The following IL1RAPL2 variants were observed in gnomAD, a reference collection of about 807,000 sequenced individuals.
IL1RAPL2 encodes the protein X-linked interleukin-1 receptor accessory protein-like 2.
In IL1RAPL2, 3 loss-of-function variants were observed where a neutral mutation model predicts 44.1. The observed-to-expected ratio is 0.07, with a 90% CI of 0.03 to 0.18. The LOEUF is 0.18. Ranked by LOEUF, IL1RAPL2 falls within the 10% of genes least tolerant of loss-of-function variation. IL1RAPL2 has a pLI of 1.00. For synonymous variants in IL1RAPL2, 181 were observed against 178.8 expected (o/e 1.01, Z -0.10); for missense variants, 391 against 496.4 (o/e 0.79, Z 2.02).
At chrX:105,144,368 A>G (rs893547577) in intron 2 of IL1RAPL2, among the ~76,000 whole-genome samples, 7 of 110,946 alleles carry the variant, frequency 6.3e-5, no homozygotes, top group African/African-American at 1.6e-4. Flanking sequence ...CTTACCTTCA[A>G]TATGGGAAGA....
At chrX:105,519,799 C>T (rs755434758) in intron 6 of IL1RAPL2, among the ~76,000 whole-genome samples, 10 of 111,271 alleles carry the variant, frequency 9.0e-5, no homozygotes, top group Non-Finnish European at 1.7e-4. Flanking sequence ...TATATTAAAG[C>T]CTTAGAGAAG....
In IL1RAPL2 at chrX:104,914,720, C is replaced by T. The variant is rs546100921; in HGVS notation, c.82+255725C>T. On this transcript the variant is annotated intron_variant, in intron 2 of 10. Transcript: ENST00000372582. ...TCCTAAAGCTATCCCTCCCCCATCC[C>T]CCACCCCACAACAGTCCCCAGAGTG... 1.4e-3 allele frequency among the ~76,000 whole-genome samples: 158 copies of T among 110,412 alleles called. 1 individual carries two copies. Among genetic ancestry groups the T allele is most frequent in the African/African-American group, 4.9e-3 (147 of 30,308 alleles).
rs188205318 is a variant in IL1RAPL2, at chrX:104,874,012, C to A, written c.82+215017C>A. On this transcript the variant is annotated intron_variant, in intron 2 of 10. Transcript: ENST00000372582. Reference sequence around the variant, plus strand: ...GGTTAGTTCCAATGGCAACACTCATCTTCTACCCACAAATCACGTCCACTT... The same window carrying A: ...GGTTAGTTCCAATGGCAACACTCATATTCTACCCACAAATCACGTCCACTT... Among the ~76,000 whole-genome samples, 521 of 110,968 alleles carry A rather than the reference C, an allele frequency of 4.7e-3. 1 individual carries two copies. Among genetic ancestry groups the A allele is most frequent in the Non-Finnish European group, 7.1e-3 (376 of 52,849 alleles).
At chrX:105,316,132 G>A (rs1474234239) in intron 5 of IL1RAPL2, among the ~76,000 whole-genome samples, 1 of 110,884 alleles carries the variant, frequency 9.0e-6, no homozygotes, top group Admixed American at 9.6e-5. Context: ...AAATTAGCCA[G>A]GTGTGATGGT....
chrX:104,902,368 T>A (rs1208515988), intron 2 of IL1RAPL2, among the ~76,000 whole-genome samples: 1 of 111,949 alleles, frequency 8.9e-6, no homozygotes, highest in East Asian at 2.8e-4. Context: ...ACTGTTAACC[T>A]CCAAATTACA....
intron 7 of IL1RAPL2, among the ~76,000 whole-genome samples, chrX:105,731,102 TA>T (rs1450491350): frequency 4.6e-5 from 5 of 109,334 alleles, no homozygotes; most frequent in African/African-American, 1.3e-4. Context: ...TTTGAAAAAA[TA>T]AACAAATTTG....
chrX:105,170,243 ATATT>A (rs1186210206), intron 2 of IL1RAPL2, among the ~76,000 whole-genome samples: 1 of 111,579 alleles, frequency 9.0e-6, no homozygotes, highest in Non-Finnish European at 1.9e-5. Context: ...GCATATAAAA[ATATT>A]TATAATATCT....
chrX:105,091,804 T>C (rs750750163), intron 2 of IL1RAPL2, among the ~76,000 whole-genome samples: 1 of 111,979 alleles, frequency 8.9e-6, no homozygotes, highest in East Asian at 2.8e-4. Flanking sequence ...CTCCAACACT[T>C]ACAATGCCTC....
At chrX:105,319,711 A>G (rs1464783891) in intron 5 of IL1RAPL2, among the ~76,000 whole-genome samples, 1 of 111,812 alleles carries the variant, frequency 8.9e-6, no homozygotes, top group Non-Finnish European at 1.9e-5. Flanking sequence ...CTTGTACAAC[A>G]TACGCAAATA....
intron 5 of IL1RAPL2, among the ~76,000 whole-genome samples, chrX:105,388,805 A>T: frequency 9.0e-6 from 1 of 111,440 alleles, no homozygotes; most frequent in South Asian, 3.7e-4. Context: ...ATACAACCTG[A>T]TAGCATCTTG....
chrX:105,263,748 A>G (rs775435126), intron 4 of IL1RAPL2, among the ~76,000 whole-genome samples: 1 of 111,107 alleles, frequency 9.0e-6, no homozygotes, highest in Admixed American at 9.6e-5. Flanking sequence ...GCAACAAACT[A>G]CTCTATGAGG....
intron 5 of IL1RAPL2, among the ~76,000 whole-genome samples, chrX:105,338,747 T>C (rs992271127): frequency 9.0e-6 from 1 of 111,579 alleles, no homozygotes; most frequent in African/African-American, 3.3e-5. Flanking sequence ...CATCTTTTGC[T>C]GCCACCACCT....
chrX:104,898,135 G>T (rs1018200704), intron 2 of IL1RAPL2, among the ~76,000 whole-genome samples: 1 of 112,104 alleles, frequency 8.9e-6, no homozygotes, highest in Non-Finnish European at 1.9e-5. Context: ...TTTTCAATAA[G>T]TGTTCTACTT....
chrX:105,050,369 A>G (rs2031903125), intron 2 of IL1RAPL2, among the ~76,000 whole-genome samples: 1 of 112,128 alleles, frequency 8.9e-6, no homozygotes, highest in South Asian at 3.7e-4. Flanking sequence ...GCATTCGCAG[A>G]TTTACATTTC....
intron 2 of IL1RAPL2, among the ~76,000 whole-genome samples, chrX:105,009,618 C>T (rs1310910652): frequency 9.9e-6 from 1 of 101,016 alleles, no homozygotes; most frequent in Non-Finnish European, 2.0e-5. Context: ...GGGAGGGGGG[C>T]GAGATAGCAT....
chrX:105,115,201 T>C (rs945334731), intron 2 of IL1RAPL2, among the ~76,000 whole-genome samples: 14 of 111,073 alleles, frequency 1.3e-4, no homozygotes, highest in Non-Finnish European at 2.5e-4. Flanking sequence ...GGCTCAGGAG[T>C]GAAGCTGCAG....
chrX:104,907,766 A>T (rs1282823510), intron 2 of IL1RAPL2, among the ~76,000 whole-genome samples: 8 of 110,496 alleles, frequency 7.2e-5, no homozygotes, highest in African/African-American at 2.6e-4. Flanking sequence ...GTGCTGAAAA[A>T]AATGTATATT....
intron 5 of IL1RAPL2, among the ~76,000 whole-genome samples, chrX:105,342,700 A>G (rs2035080858): frequency 8.9e-6 from 1 of 112,416 alleles, no homozygotes; most frequent in African/African-American, 3.2e-5. Context: ...CAGGATGTAA[A>G]TTTCTGGGAC....
intron 5 of IL1RAPL2, among the ~76,000 whole-genome samples, chrX:105,355,513 A>T (rs1754176770): frequency 9.0e-6 from 1 of 111,234 alleles, no homozygotes; most frequent in African/African-American, 3.3e-5. Context: ...CATAGCACTC[A>T]CCACATTATA....
Sources: gnomAD v4.1 joint callset for allele counts (sites outside exome capture counted in the v4.1 genomes callset) on GRCh38, gnomAD v4.1.1 for gene constraint, MANE v1.5 for transcripts, NCBI Gene and HGNC (gene_info 2026-07-23, HGNC 2026-07-21) for gene names.